LRBA: variants seen among roughly 807,000 people sequenced by gnomAD.
The protein encoded by LRBA is LPS responsive beige-like anchor protein, also known as lipopolysaccharide-responsive and beige-like anchor protein.
Under a neutral mutation model 330.0 loss-of-function variants are expected in LRBA, and 176 were observed. The ratio of observed to expected loss-of-function variants is 0.53; its 90% CI spans 0.47 to 0.60. The LOEUF is 0.60. Ranked by LOEUF, LRBA falls within the 20% of genes least tolerant of loss-of-function variation. LRBA has a pLI of 0.00. For synonymous variants in LRBA, 1,230 were observed against 1,193.0 expected (o/e 1.03, Z -0.64); for missense variants, 3,259 against 3,444.8 (o/e 0.95, Z 1.35).
At chr4:150,391,708 A>T (rs1278909229) in intron 47 of LRBA, among the ~76,000 whole-genome samples, 1 of 152,176 alleles carries the variant, frequency 6.6e-6, no homozygotes, top group Non-Finnish European at 1.5e-5. Context: ...TAGCTAAGAT[A>T]TAATTGGTCA....
chr4:150,838,644 G>T (rs1297569541), intron 28 of LRBA, among the ~76,000 whole-genome samples: 1 of 152,090 alleles, frequency 6.6e-6, no homozygotes, highest in Non-Finnish European at 1.5e-5. Flanking sequence ...AGCTCCATCA[G>T]GTCCTTTAAG....
chr4:150,609,131 T>C (rs992704309), intron 37 of LRBA, among the ~76,000 whole-genome samples: 2 of 152,228 alleles, frequency 1.3e-5, no homozygotes, highest in Non-Finnish European at 1.5e-5. Flanking sequence ...AATTACAATT[T>C]TGTTCAGATA....
intron 37 of LRBA, among the ~76,000 whole-genome samples, chr4:150,641,492 G>C (rs940190090): frequency 3.9e-5 from 6 of 152,070 alleles, no homozygotes; most frequent in Non-Finnish European, 7.4e-5. Context: ...AGTCAGTCTT[G>C]ACATTCATTT....
At chr4:150,645,802 T>G (rs1331366509) in intron 37 of LRBA, among the ~76,000 whole-genome samples, 1 of 151,968 alleles carries the variant, frequency 6.6e-6, no homozygotes, top group Non-Finnish European at 1.5e-5. Context: ...TAAAATATTA[T>G]AGATCATATT....
At chr4:150,638,457 T>G (rs1778152044) in intron 37 of LRBA, among the ~76,000 whole-genome samples, 4 of 152,256 alleles carry the variant, frequency 2.6e-5, no homozygotes, top group African/African-American at 9.6e-5. Context: ...CCTATATTTA[T>G]GAGGGACCTC....
chr4:150,377,987 T>A (rs932803918), intron 47 of LRBA, among the ~76,000 whole-genome samples: 20 of 122,642 alleles, frequency 1.6e-4, no homozygotes, highest in East Asian at 2.5e-4. Flanking sequence ...AAAAAAAAAA[T>A]GCCTTGTCCT....
chr4:150,811,809 G>A (rs1259054676), intron 31 of LRBA, among the ~76,000 whole-genome samples: 1 of 152,060 alleles, frequency 6.6e-6, no homozygotes, highest in Non-Finnish European at 1.5e-5. Context: ...CCTGCCCACT[G>A]TGCTAAATGA....
chr4:150,440,369 A>G (rs1039028317), intron 44 of LRBA, among the ~76,000 whole-genome samples: 3 of 152,188 alleles, frequency 2.0e-5, no homozygotes, highest in Non-Finnish European at 4.4e-5. Flanking sequence ...TCTTAACTCT[A>G]CAAACTAAGA....
At chr4:150,688,835 G>A (rs10017407) in intron 36 of LRBA, among the ~76,000 whole-genome samples, 106,986 of 152,086 alleles carry the variant, frequency 0.7, 42,645 homozygotes, top group Non-Finnish European at 0.9. Flanking sequence ...AAATAGGAAC[G>A]CTTTTACACT....
intron 47 of LRBA, among the ~76,000 whole-genome samples, chr4:150,355,211 G>C (rs943964183): frequency 6.6e-5 from 10 of 151,954 alleles, no homozygotes; most frequent in African/African-American, 2.4e-4. Context: ...ATGCATTAGT[G>C]ATACACTAGC....
intron 46 of LRBA, among the ~76,000 whole-genome samples, chr4:150,427,895 T>C (rs979722028): frequency 2.6e-5 from 4 of 151,986 alleles, no homozygotes; most frequent in Non-Finnish European, 4.4e-5. Flanking sequence ...ATCCATGGAA[T>C]GTATTAACAT....
intron 46 of LRBA, chr4:150,423,264 A>C (rs565434814): frequency 1.0e-6 from 1 of 1,002,590 alleles, no homozygotes; most frequent in Admixed American, 1.8e-5. Flanking sequence ...GCCGCCTCCC[A>C]GCATCTCCTG....
chr4:151,003,478 G>T (rs1743644866), intron 2 of LRBA, among the ~76,000 whole-genome samples: 1 of 149,424 alleles, frequency 6.7e-6, no homozygotes, highest in Non-Finnish European at 1.5e-5. Flanking sequence ...TGAGCCTAAA[G>T]AACAAAGCTG....
At chr4:150,979,424 A>G (rs1740584270) in intron 2 of LRBA, among the ~76,000 whole-genome samples, 1 of 152,226 alleles carries the variant, frequency 6.6e-6, no homozygotes, top group African/African-American at 2.4e-5. Flanking sequence ...AACAGATGTT[A>G]GTAAGCAACA....
chr4:150,284,853 C>T (rs1201896835), intron 54 of LRBA, among the ~76,000 whole-genome samples: 1 of 152,124 alleles, frequency 6.6e-6, no homozygotes, highest in Non-Finnish European at 1.5e-5. Flanking sequence ...GACCATGGAA[C>T]AATTGTAAAA....
intron 47 of LRBA, among the ~76,000 whole-genome samples, chr4:150,396,862 T>G (rs1744805621): frequency 6.6e-6 from 1 of 152,152 alleles, no homozygotes; most frequent in Non-Finnish European, 1.5e-5. Context: ...CTCACACACA[T>G]AAACATATAT....
intron 40 of LRBA, among the ~76,000 whole-genome samples, chr4:150,558,899 T>C (rs573511898): frequency 6.6e-5 from 10 of 152,308 alleles, no homozygotes; most frequent in African/African-American, 1.9e-4. Context: ...GATATTCGCA[T>C]GGTATCATTA....
intron 43 of LRBA, among the ~76,000 whole-genome samples, chr4:150,470,328 C>T (rs1044257667): frequency 6.6e-6 from 1 of 152,198 alleles, no homozygotes; most frequent in African/African-American, 2.4e-5. Context: ...CTCAAGACAT[C>T]TGACTTACCT....
chr4:150,696,090 C>T (rs1784592200), intron 36 of LRBA, among the ~76,000 whole-genome samples: 1 of 151,998 alleles, frequency 6.6e-6, no homozygotes, highest in Non-Finnish European at 1.5e-5. Context: ...ATCAGCTGGG[C>T]ATGGTGGCAT....
Sources: gnomAD v4.1 joint callset for allele counts (sites outside exome capture counted in the v4.1 genomes callset) on GRCh38, gnomAD v4.1.1 for gene constraint, MANE v1.5 for transcripts, NCBI Gene and HGNC (gene_info 2026-07-23, HGNC 2026-07-21) for gene names.